The following SHLD1 variants were observed in gnomAD, a reference collection of about 807,000 sequenced individuals.
SHLD1 encodes shieldin complex subunit 1.
SHLD1 carries 3 observed loss-of-function variants against 5.5 expected under a neutral mutation model. That is an observed-to-expected ratio of 0.54 (90% CI 0.25 to 1.40). The LOEUF is 1.40. Among genes scored for constraint, SHLD1 ranks in the 40% most tolerant of loss-of-function variants. The pLI is 0.15. For missense variants in SHLD1, 210 were observed against 244.4 expected (o/e 0.86, Z 0.94); for synonymous variants, 92 against 94.3 (o/e 0.98, Z 0.14).
At chr20:5,768,110 G>A (rs996425633) in intron 1 of SHLD1, among the ~76,000 whole-genome samples, 28 of 152,092 alleles carry the variant, frequency 1.8e-4, no homozygotes, top group Admixed American at 6.6e-4. Flanking sequence ...AAGTAGCTGG[G>A]ATTACAGGTG....
chr20:5,793,242 C>T (rs2087167323), intron 2 of SHLD1, among the ~76,000 whole-genome samples: 1 of 151,926 alleles, frequency 6.6e-6, no homozygotes, highest in Admixed American at 6.6e-5. Context: ...ATTGTTTTTG[C>T]TATTTGGAGG....
At chr20:5,833,013 G>A (rs1465078530) in intron 2 of SHLD1, among the ~76,000 whole-genome samples, 4 of 151,968 alleles carry the variant, frequency 2.6e-5, no homozygotes, top group Non-Finnish European at 4.4e-5. Context: ...TGCGGTGACT[G>A]GCCAGTGTTG....
chr20:5,777,388 C>T lies in SHLD1; in HGVS notation c.178+4345C>T, dbSNP rs916870639. On this transcript the variant is annotated intron_variant, in intron 2 of 2. Coordinates refer to ENST00000303142, the MANE Select transcript of SHLD1 (RefSeq NM_152504.4). ...AAACTTGGAAAAGTTAGGAAACTTT[C>T]CCAGTGTCACTTAGCAAATGACAGA... is the stretch of plus-strand genomic sequence containing the variant. Among the ~76,000 whole-genome samples, 4 of 152,090 alleles carry T rather than the reference C, an allele frequency of 2.6e-5. No homozygotes were observed. In the East Asian group the frequency reaches 7.7e-4, roughly 29 times the overall value.
intron 2 of SHLD1, among the ~76,000 whole-genome samples, chr20:5,792,391 G>A (rs1014929246): frequency 6.6e-6 from 1 of 151,924 alleles, no homozygotes; most frequent in East Asian, 1.9e-4. Flanking sequence ...AAGGTTTTGA[G>A]TTTGTTCTTT....
intron 2 of SHLD1, among the ~76,000 whole-genome samples, chr20:5,857,250 C>T (rs1412202886): frequency 6.6e-6 from 1 of 152,046 alleles, no homozygotes; most frequent in Non-Finnish European, 1.5e-5. Flanking sequence ...TGCTGAGCCA[C>T]CACACCCGGC....
At chr20:5,778,560 T>A (rs1297342358) in intron 2 of SHLD1, among the ~76,000 whole-genome samples, 2 of 148,654 alleles carry the variant, frequency 1.3e-5, no homozygotes, top group African/African-American at 5.0e-5. Flanking sequence ...TGAGCCATGA[T>A]CGTGCTACTG....
At chr20:5,755,978 G>A (rs1375948142) in intron 1 of SHLD1, among the ~76,000 whole-genome samples, 1 of 152,162 alleles carries the variant, frequency 6.6e-6, no homozygotes, top group Non-Finnish European at 1.5e-5. Flanking sequence ...TTCAGGGCCT[G>A]CAGTCATGTG....
At chr20:5,797,927 G>A (rs1207080183) in intron 2 of SHLD1, among the ~76,000 whole-genome samples, 7 of 152,146 alleles carry the variant, frequency 4.6e-5, no homozygotes, top group African/African-American at 1.7e-4. Context: ...TTGAATCAGA[G>A]GCCTTGTTTT....
chr20:5,817,468 G>GTATA (rs765893560), intron 2 of SHLD1, among the ~76,000 whole-genome samples: 1 of 130,082 alleles, frequency 7.7e-6, no homozygotes, highest in South Asian at 2.5e-4. Context: ...GTGTGTGTGT[G>GTATA]TGTGTTGGGA....
intron 2 of SHLD1, among the ~76,000 whole-genome samples, chr20:5,815,219 A>G (rs1466898295): frequency 2.0e-5 from 3 of 152,208 alleles, no homozygotes; most frequent in Non-Finnish European, 2.9e-5. Context: ...GCAAGTTTTA[A>G]TGATCTTGAT....
intron 2 of SHLD1, among the ~76,000 whole-genome samples, chr20:5,775,874 C>T (rs1433320306): frequency 1.4e-5 from 2 of 147,356 alleles, no homozygotes; most frequent in Admixed American, 6.8e-5. Flanking sequence ...TCCAATTCCT[C>T]ATCAGCTGGG....
At chr20:5,768,150 T>G (rs983720463) in intron 1 of SHLD1, among the ~76,000 whole-genome samples, 1 of 151,966 alleles carries the variant, frequency 6.6e-6, no homozygotes, top group Admixed American at 6.6e-5. Flanking sequence ...AATTTTATAG[T>G]TTTAGTAGAG....
intron 2 of SHLD1, among the ~76,000 whole-genome samples, chr20:5,859,647 C>T (rs2088134641): frequency 6.6e-6 from 1 of 152,158 alleles, no homozygotes; most frequent in African/African-American, 2.4e-5. Context: ...GCTACAACAG[C>T]CTTATGATTA....
At chr20:5,858,197 C>T (rs145071416) in intron 2 of SHLD1, among the ~76,000 whole-genome samples, 525 of 151,794 alleles carry the variant, frequency 3.5e-3, no homozygotes, top group Non-Finnish European at 5.5e-3. Flanking sequence ...GTAAAAGAAA[C>T]TCTGGACAAT....
chr20:5,839,842 G>A (rs1163152455), intron 2 of SHLD1, among the ~76,000 whole-genome samples: 1 of 152,184 alleles, frequency 6.6e-6, no homozygotes, highest in Non-Finnish European at 1.5e-5. Flanking sequence ...GGCAGTTGGA[G>A]GTGGTTATCG....
intron 2 of SHLD1, among the ~76,000 whole-genome samples, chr20:5,862,074 A>T (rs2088169995): frequency 6.6e-6 from 1 of 152,178 alleles, no homozygotes; most frequent in African/African-American, 2.4e-5. Flanking sequence ...ATCCTTTCAG[A>T]TTAGGATTCT....
chr20:5,802,908 C>T (rs906526901), intron 2 of SHLD1, among the ~76,000 whole-genome samples: 3 of 152,166 alleles, frequency 2.0e-5, no homozygotes, highest in Non-Finnish European at 2.9e-5. Context: ...AATGATTATA[C>T]CAAGAATTCT....
intron 1 of SHLD1, 29 bp downstream of exon 1, chr20:5,750,508 T>TGGGGGGGGGGG (rs1600076697): frequency 8.6e-5 from 2 of 23,278 alleles, no homozygotes; most frequent in Non-Finnish European, 7.8e-5. Context: ...GGGGGGGGGT[T>TGGGGGGGGGGG]GGAGTGGTGG....
rs116549982 is a variant in SHLD1 at position 5,845,886 on chromosome 20, G to A, written c.179-17138G>A. On this transcript the variant is annotated intron_variant, in intron 2 of 2. Coordinates refer to ENST00000303142, the MANE Select transcript of SHLD1 (RefSeq NM_152504.4). Reference sequence around the variant, plus strand: ...GATGTCATTTTACAAATAAGAGCTCGGCCCTTGGGGTGATTACTTTAAAGG... The same window carrying A: ...GATGTCATTTTACAAATAAGAGCTCAGCCCTTGGGGTGATTACTTTAAAGG... Among the ~76,000 whole-genome samples, 887 of 152,292 alleles carry A rather than the reference G, an allele frequency of 5.8e-3. 8 individuals are homozygous for A. Among genetic ancestry groups the A allele is most frequent in the African/African-American group, 0.019 (791 of 41,548 alleles).
Sources: allele counts gnomAD v4.1 joint callset (sites outside exome capture counted in the v4.1 genomes callset), GRCh38; gene constraint gnomAD v4.1.1; transcripts MANE v1.5; gene names NCBI Gene and HGNC (gene_info 2026-07-23, HGNC 2026-07-21).